Variants in SLC25A48 observed in about 807,000 individuals in gnomAD.
SLC25A48 encodes the protein solute carrier family 25 member 48.
Under a neutral mutation model 32.2 loss-of-function variants are expected in SLC25A48, and 29 were observed. That is an observed-to-expected ratio of 0.90 (90% CI 0.67 to 1.23). The LOEUF (loss-of-function observed/expected upper bound fraction) is 1.23, where lower values mean the gene tolerates loss of function less well. Among genes scored for constraint, SLC25A48 ranks in the 50% most tolerant of loss-of-function variants. The pLI is 0.00. For synonymous variants in SLC25A48, 164 were observed against 172.3 expected, an observed-to-expected ratio of 0.95 and a Z score of 0.38; for missense variants, 399 against 422.7, an observed-to-expected ratio of 0.94 and a Z score of 0.49.
intron 3 of SLC25A48, among the ~76,000 whole-genome samples, chr5:135,785,854 T>C (rs903959113): frequency 1.3e-5 from 2 of 150,244 alleles, no homozygotes; most frequent in African/African-American, 2.5e-5. Flanking sequence ...GCCTCATAAA[T>C]TGTAATAACC....
chr5:135,837,277 G>C (rs1433984367), intron 1 of SLC25A48, among the ~76,000 whole-genome samples: 1 of 152,128 alleles, frequency 6.6e-6, no homozygotes, highest in East Asian at 1.9e-4. Context: ...CAGTTTAGTA[G>C]GTAGGAGGGG....
intron 3 of SLC25A48, among the ~76,000 whole-genome samples, chr5:135,641,307 GA>G (rs1279160415): frequency 2.6e-5 from 4 of 152,200 alleles, no homozygotes; most frequent in African/African-American, 7.2e-5. Flanking sequence ...TTGGATGAAT[GA>G]AATCCTCTAA....
At chr5:135,884,266 C>G (rs982493165) in intron 7 of SLC25A48, among the ~76,000 whole-genome samples, 1 of 152,198 alleles carries the variant, frequency 6.6e-6, no homozygotes, top group Non-Finnish European at 1.5e-5. Context: ...CAAAGCAATT[C>G]TATGGTGCAA....
intron 5 of SLC25A48, among the ~76,000 whole-genome samples, chr5:135,873,802 C>A (rs943085209): frequency 6.6e-6 from 1 of 152,244 alleles, no homozygotes; most frequent in Non-Finnish European, 1.5e-5. Flanking sequence ...TCCCATTTTA[C>A]AGATGAGAAG....
At chr5:135,614,765 C>T (rs62366005) in intron 1 of SLC25A48, among the ~76,000 whole-genome samples, 54,657 of 152,000 alleles carry the variant, frequency 0.36, 9,824 homozygotes, top group Middle Eastern at 0.39. Flanking sequence ...GGTTTGGATT[C>T]GTGCCCTTGC....
chr5:135,711,935 C>T (rs1334968391), intron 3 of SLC25A48, among the ~76,000 whole-genome samples: 1 of 150,470 alleles, frequency 6.6e-6, no homozygotes, highest in Non-Finnish European at 1.5e-5. Context: ...CCTCTAGTGT[C>T]CCCCTCCCAC....
intron 1 of SLC25A48, among the ~76,000 whole-genome samples, chr5:135,614,351 T>C (rs1473192131): frequency 1.3e-5 from 2 of 152,204 alleles, no homozygotes; most frequent in Non-Finnish European, 2.9e-5. Flanking sequence ...AATATCATAT[T>C]ATATGCAAAC....
intron 3 of SLC25A48, among the ~76,000 whole-genome samples, chr5:135,785,619 A>C (rs1287748912): frequency 6.8e-6 from 1 of 147,958 alleles, no homozygotes; most frequent in African/African-American, 2.5e-5. Context: ...TGCCCCATGG[A>C]TTGTAATATC....
rs117577202 is a variant in SLC25A48 at position 135,753,672 on chromosome 5, C to G, written c.-520-58851C>G. Reference sequence around the variant, plus strand: ...CAGTCATATCTCGAGGATATTATGCCTAATATTACAGGGTGTACACACAGG... The same window carrying G: ...CAGTCATATCTCGAGGATATTATGCGTAATATTACAGGGTGTACACACAGG... On this transcript the variant is annotated intron_variant, in intron 3 of 10. Coordinates refer to the SLC25A48 transcript ENST00000646290. Among the ~76,000 whole-genome samples, 391 of 151,568 alleles carry G rather than the reference C, an allele frequency of 2.6e-3. 7 individuals are homozygous for G. The East Asian group carries it at 0.048, about 18-fold the overall frequency.
intron 3 of SLC25A48, among the ~76,000 whole-genome samples, chr5:135,651,922 A>C (rs926186247): frequency 1.3e-5 from 2 of 152,228 alleles, no homozygotes; most frequent in Non-Finnish European, 2.9e-5. Context: ...ATATGGATGG[A>C]TCTCTCTCAT....
At chr5:135,864,024 A>C (rs1417959719) in intron 4 of SLC25A48, among the ~76,000 whole-genome samples, 2 of 152,174 alleles carry the variant, frequency 1.3e-5, no homozygotes, top group African/African-American at 4.8e-5. Flanking sequence ...GACCATATGG[A>C]TAGAAAGGAA....
intron 3 of SLC25A48, among the ~76,000 whole-genome samples, chr5:135,730,190 C>G (rs1383423766): frequency 2.0e-5 from 3 of 152,100 alleles, no homozygotes; most frequent in Non-Finnish European, 4.4e-5. Flanking sequence ...TATAACAAAC[C>G]TCTGCTGTTA....
At chr5:135,745,456 TTGTTTATGGCCAGTTTCTCATGGCC>T (rs1405668771) in intron 3 of SLC25A48, among the ~76,000 whole-genome samples, 2 of 152,124 alleles carry the variant, frequency 1.3e-5, no homozygotes, top group Non-Finnish European at 2.9e-5. Context: ...TGCAGAGATT[TTGTTTATGGCCAGTTTCTCATGGCC>T]TGTTTATGGC....
chr5:135,796,012 G>T (rs1390940419), intron 3 of SLC25A48, among the ~76,000 whole-genome samples: 4 of 139,174 alleles, frequency 2.9e-5, no homozygotes, highest in African/African-American at 5.0e-5. Flanking sequence ...TATCGCGAGG[G>T]GGGGGTGGGT....
intron 1 of SLC25A48, among the ~76,000 whole-genome samples, chr5:135,607,611 A>AGCAT (rs987038063): frequency 1.8e-4 from 28 of 152,240 alleles, no homozygotes; most frequent in Admixed American, 1.6e-3. Context: ...TTAGAAGAAG[A>AGCAT]GCATGCATGC....
chr5:135,579,651 C>G (rs994461805), intron 1 of SLC25A48: 1 of 152,332 alleles, frequency 6.6e-6, no homozygotes, highest in African/African-American at 2.4e-5. Flanking sequence ...GTTTTGGTGA[C>G]TCCCAAAGGA....
At chr5:135,869,113 G>A (rs532116234) in intron 4 of SLC25A48, among the ~76,000 whole-genome samples, 1 of 152,178 alleles carries the variant, frequency 6.6e-6, no homozygotes, top group South Asian at 2.1e-4. Flanking sequence ...GTATGTATGG[G>A]CATTCTTTAT....
At chr5:135,862,685 A>G (rs1002034484) in intron 4 of SLC25A48, among the ~76,000 whole-genome samples, 3 of 152,122 alleles carry the variant, frequency 2.0e-5, no homozygotes, top group Non-Finnish European at 4.4e-5. Flanking sequence ...TTTTAGTTCT[A>G]CGTAGCATTT....
chr5:135,886,669 TGTGTGA>T lies in SLC25A48; in HGVS notation c.*8-1361_*8-1356del, dbSNP rs1473106197. ...ATATATGTGTGTGTGTGTGTGTGTG[TGTGTGA>T]GAGAGAGAGAGAGAGAGAGAGAGAG... On this transcript the variant is annotated intron_variant, in intron 7 of 7. Transcript: ENST00000681962. 1.3e-3 allele frequency among the ~76,000 whole-genome samples: 103 copies of T among 81,288 alleles called. 4 individuals are homozygous for T. Among genetic ancestry groups the T allele is most frequent in the African/African-American group, 3.2e-3 (47 of 14,698 alleles). The allele number at this position is 81,288 out of a possible 152,430, so 53.3% of individuals were successfully genotyped here. A position where few individuals can be genotyped will look rare whatever the true frequency, so the allele number is the denominator to read the frequency against.
Sources: allele counts gnomAD v4.1 joint callset (sites outside exome capture counted in the v4.1 genomes callset), GRCh38; gene constraint gnomAD v4.1.1; transcripts MANE v1.5; gene names NCBI Gene and HGNC (gene_info 2026-07-23, HGNC 2026-07-21).